SLC12A8: variants seen among roughly 807,000 people sequenced by gnomAD.
The protein encoded by SLC12A8 is solute carrier family 12 member 8.
A neutral mutation model predicts 75.6 loss-of-function variants in SLC12A8; 69 were observed. The ratio of observed to expected loss-of-function variants is 0.91; its 90% CI spans 0.75 to 1.11. The LOEUF (loss-of-function observed/expected upper bound fraction) is 1.11, where lower values mean the gene tolerates loss of function less well. Ranked by LOEUF, SLC12A8 falls within the 50% of genes most tolerant of loss-of-function variation. The pLI is 0.00. For missense variants in SLC12A8, 877 were observed against 896.7 expected (o/e 0.98, Z 0.28); for synonymous variants, 365 against 372.8 (o/e 0.98, Z 0.24).
In SLC12A8 at chr3:125,187,346, C is replaced by T; in HGVS notation, c.281G>A (p.Gly94Asp). The change falls in exon 4 of 14, where the codon GGC (glycine) becomes GAC (aspartate). Residue 94 changes from glycine (G) to aspartate (D), a missense_variant. Gly to Asp is a moderately conservative substitution (Grantham distance 94, BLOSUM62 -1). Coordinates refer to ENST00000469902, the MANE Select transcript of SLC12A8 (RefSeq NM_024628.6). ...GCCGATGCTGCTGCGCTCCCCGACG[C>T]CAATGCCAGACAGCACCGTGACGAG... The part of the protein sequence containing the change: ...VALVTVLSGI[G>D]VGERSSIGSG... The T allele has an allele frequency of 2.5e-6, 4 of 1,614,196 alleles. No homozygotes were observed. The highest frequency in any genetic ancestry group is 3.4e-6 in the Non-Finnish European group (4 of 1,180,038).
chr3:125,176,672 A>C (rs1934535555), intron 5 of SLC12A8, among the ~76,000 whole-genome samples: 1 of 152,102 alleles, frequency 6.6e-6, no homozygotes, highest in Admixed American at 6.5e-5. Context: ...AAGGATATGA[A>C]CAGACACTTC....
intron 13 of SLC12A8, among the ~76,000 whole-genome samples, chr3:125,085,080 C>T (rs1938424952): frequency 6.6e-6 from 1 of 152,208 alleles, no homozygotes; most frequent in African/African-American, 2.4e-5. Flanking sequence ...ATGACTATGG[C>T]ATTACAGCCA....
intron 5 of SLC12A8, among the ~76,000 whole-genome samples, chr3:125,166,753 G>A (rs942845512): frequency 3.9e-5 from 6 of 152,284 alleles, no homozygotes; most frequent in South Asian, 2.1e-4. Context: ...GATAAATTGC[G>A]AAAATATGTT....
At chr3:125,107,455 C>A in intron 10 of SLC12A8, 26 bp downstream of exon 10, 3 of 1,579,192 alleles carry the variant, frequency 1.9e-6, no homozygotes, top group Non-Finnish European at 2.6e-6. Flanking sequence ...AAATAAGAGG[C>A]CCCAGTGTGA....
intron 5 of SLC12A8, among the ~76,000 whole-genome samples, chr3:125,165,789 C>T (rs1041307986): frequency 2.6e-5 from 4 of 152,192 alleles, no homozygotes; most frequent in Admixed American, 2.6e-4. Context: ...AGGAAGACCC[C>T]AGGCCTGGCC....
At chr3:125,168,515 G>A (rs1934340845) in intron 5 of SLC12A8, among the ~76,000 whole-genome samples, 1 of 152,136 alleles carries the variant, frequency 6.6e-6, no homozygotes, top group Non-Finnish European at 1.5e-5. Context: ...TATTTCTGAG[G>A]AAAAAGGCAC....
chr3:125,199,152 T>C (rs1935071006), intron 2 of SLC12A8, among the ~76,000 whole-genome samples: 1 of 152,188 alleles, frequency 6.6e-6, no homozygotes, highest in South Asian at 2.1e-4. Context: ...AACATTCTTG[T>C]TCTTAGGAAA....
At chr3:125,092,525 G>A (rs756304372) in intron 10 of SLC12A8, among the ~76,000 whole-genome samples, 5 of 152,178 alleles carry the variant, frequency 3.3e-5, no homozygotes, top group Non-Finnish European at 7.3e-5. Flanking sequence ...GGGAGAACTA[G>A]ACATCTGGTA....
intron 5 of SLC12A8, among the ~76,000 whole-genome samples, chr3:125,147,517 G>A (rs147171531): frequency 6.5e-4 from 97 of 149,896 alleles, no homozygotes; most frequent in African/African-American, 2.0e-3. Context: ...CCATCTCCCC[G>A]TCAGATTAGG....
intron 8 of SLC12A8, among the ~76,000 whole-genome samples, chr3:125,116,391 A>G (rs945404288): frequency 6.6e-6 from 1 of 152,178 alleles, no homozygotes; most frequent in Non-Finnish European, 1.5e-5. Context: ...GCATAATTAC[A>G]TTCCCAAGTG....
intron 5 of SLC12A8, among the ~76,000 whole-genome samples, chr3:125,157,502 A>G (rs576254526): frequency 2.0e-5 from 3 of 152,172 alleles, no homozygotes; most frequent in Non-Finnish European, 4.4e-5. Flanking sequence ...TTGAAGCACC[A>G]TCACCTCAGG....
At chr3:125,094,974 A>G (rs1035439328) in intron 10 of SLC12A8, among the ~76,000 whole-genome samples, 2 of 152,096 alleles carry the variant, frequency 1.3e-5, no homozygotes, top group Admixed American at 1.3e-4. Flanking sequence ...TGATTTTTCT[A>G]TGTCACTGCC....
At chr3:125,123,226 G>C (rs777707004) in intron 6 of SLC12A8, among the ~76,000 whole-genome samples, 1 of 151,480 alleles carries the variant, frequency 6.6e-6, no homozygotes, top group Non-Finnish European at 1.5e-5. Context: ...AATGCAAAAA[G>C]TAGCCAGGTG....
chr3:125,083,915 C>T lies in SLC12A8; in HGVS notation c.2120G>A (p.Arg707Gln), dbSNP rs771546073. The T allele has an allele frequency of 2.4e-5, 39 of 1,612,910 alleles. No homozygotes were observed. Among genetic ancestry groups the T allele is most frequent in the Admixed American group, 1.5e-4 (9 of 59,890 alleles). ...DRYHHSSLVNREQLMPHY is the reference protein window; with the variant it reads ...DRYHHSSLVNQEQLMPHY ...CTAGTAGTGAGGCATCAGCTGCTCC[C>T]GGTTCACGAGGGAGGAGTGGTGGTA... The change falls in exon 14 of 14, where the codon CGG becomes CAG. Residue 707 changes from arginine to glutamine, a missense_variant. Coordinates refer to ENST00000469902, the MANE Select transcript of SLC12A8 (RefSeq NM_024628.6).
intron 10 of SLC12A8, among the ~76,000 whole-genome samples, chr3:125,097,140 T>C (rs980025076): frequency 6.6e-6 from 1 of 152,080 alleles, no homozygotes. Flanking sequence ...ATCCCAGCAC[T>C]TTGCGAGGCC....
At chr3:125,158,175 G>A (rs745507031) in intron 5 of SLC12A8, among the ~76,000 whole-genome samples, 33 of 151,672 alleles carry the variant, frequency 2.2e-4, no homozygotes, top group Non-Finnish European at 4.3e-4. Flanking sequence ...CCATTTCTCT[G>A]CTTATATTTG....
chr3:125,131,529 A>C (rs1933356362), intron 6 of SLC12A8, among the ~76,000 whole-genome samples: 1 of 152,050 alleles, frequency 6.6e-6, no homozygotes, highest in Non-Finnish European at 1.5e-5. Flanking sequence ...CTGGGATTAC[A>C]GGCATGCCCT....
At chr3:125,142,546 G>C (rs548436646) in intron 5 of SLC12A8, among the ~76,000 whole-genome samples, 1 of 152,340 alleles carries the variant, frequency 6.6e-6, no homozygotes, top group South Asian at 2.1e-4. Context: ...GTGGAGGAAG[G>C]CAAGAACAGT....
At chr3:125,211,912 G>A (rs764578828) in intron 1 of SLC12A8, among the ~76,000 whole-genome samples, 10 of 152,144 alleles carry the variant, frequency 6.6e-5, no homozygotes, top group African/African-American at 9.7e-5. Flanking sequence ...TGAAGAGGGT[G>A]AGTGAGAAAA....
Sources: gnomAD v4.1 joint callset for allele counts (sites outside exome capture counted in the v4.1 genomes callset) on GRCh38, gnomAD v4.1.1 for gene constraint, MANE v1.5 for transcripts, NCBI Gene and HGNC (gene_info 2026-07-23, HGNC 2026-07-21) for gene names.